The following CALCA variants were observed in gnomAD, a reference collection of about 807,000 sequenced individuals.
CALCA encodes the protein calcitonin related polypeptide alpha, also known as calcitonin.
CALCA carries 4 observed loss-of-function variants against 6.9 expected under a neutral mutation model. That is an observed-to-expected ratio of 0.58 (90% CI 0.29 to 1.33). CALCA has a LOEUF of 1.33. Ranked by LOEUF, CALCA falls within the 40% of genes most tolerant of loss-of-function variation. CALCA has a pLI of 0.09. For synonymous variants in CALCA, 78 were observed against 70.0 expected (o/e 1.11, Z -0.57); for missense variants, 174 against 178.3 (o/e 0.98, Z 0.14).
In CALCA at chr11:14,968,952, G is replaced by C. The variant is rs1177013301; in HGVS notation, c.273C>G (p.Cys91Trp). The change falls in exon 4 of 4, where the codon TGC becomes TGG. Residue 91 changes from cysteine (C) to tryptophan (W), a missense_variant. By Grantham distance (215) the Cys-to-Trp change is radical. Coordinates refer to ENST00000331587, the MANE Select transcript of CALCA (RefSeq NM_001741.3). ...RSKRCGNLST[C>W]MLGTYTQDFN... is the part of the protein sequence containing the mutation. ...AGTCCTGCGTGTATGTGCCCAGCAT[G>C]CAAGTACTCAGATTACCGCACCGCT... 6.2e-7 allele frequency: 1 copy of C among 1,613,828 alleles called. No individual in the cohort carries two copies. Among genetic ancestry groups the C allele is most frequent in the Non-Finnish European group, 8.5e-7 (1 of 1,180,042 alleles).
chr11:14,972,075 T>G (rs1483779035), intron 1 of CALCA, 170 bp downstream of exon 1: 1 of 152,800 alleles, frequency 6.5e-6, no homozygotes, highest in East Asian at 1.9e-4. Context: ...GGATTGAGAC[T>G]GTCCGATCCA....
downstream of CALCA, among the ~76,000 whole-genome samples, chr11:14,967,277 A>G (rs1590262814): frequency 2.0e-5 from 3 of 152,236 alleles, no homozygotes. Flanking sequence ...TCATGGTCAT[A>G]TAGCTGGTAA....
In CALCA at chr11:14,971,127, G is replaced by T; in HGVS notation, c.66C>A (p.Ser22Arg). 1 of 1,614,076 alleles carries T rather than the reference G, an allele frequency of 6.2e-7. No homozygotes were observed. The highest frequency in any genetic ancestry group is 8.5e-7 in the Non-Finnish European group (1 of 1,179,952). ...CTTACCTGAATGGTGCTGCATGGAG[G>T]CTGCCTGCCTGCAACAGGACCAAGA... ...LSILVLLQAG[S>R]LHAAPFRSAL... Residue 22 changes from serine to arginine, a missense_variant, in exon 2 of 4, where the codon AGC becomes AGA. Ser to Arg is a moderately radical substitution (Grantham distance 110). Transcript: ENST00000331587.
intron 3 of CALCA, among the ~76,000 whole-genome samples, 185 bp downstream of exon 3, chr11:14,969,746 CGGTA>C (rs1565208882): frequency 6.6e-6 from 1 of 152,186 alleles, no homozygotes; most frequent in Non-Finnish European, 1.5e-5. Flanking sequence ...TGTCTAACCA[CGGTA>C]CCTCCAGCTG....
At chr11:14,967,750 G>T (rs76125894), downstream of CALCA, 371 of 1,614,174 alleles carry the variant, frequency 2.3e-4, no homozygotes, top group African/African-American at 4.5e-3. Context: ...CACATTGGTG[G>T]GCACAAAGTT....
chr11:14,971,286 G>T, intron 1 of CALCA, 85 bp from the exon 2 acceptor site: 2 of 894,166 alleles, frequency 2.2e-6, no homozygotes, highest in Non-Finnish European at 3.8e-6. Flanking sequence ...CTGGTTTTCT[G>T]TCTTGCTTCT....
At chr11:14,971,568 G>A (rs1555026533) in intron 1 of CALCA, among the ~76,000 whole-genome samples, 1 of 152,174 alleles carries the variant, frequency 6.6e-6, no homozygotes, top group Non-Finnish European at 1.5e-5. Flanking sequence ...ATCCCATAAG[G>A]AAACCCAGAG....
Position 14,968,743 on chromosome 11 carries a change from T to G in CALCA, c.*56A>C. On this transcript the variant is annotated 3_prime_UTR_variant, in exon 4 of 4. Coordinates refer to ENST00000331587, the MANE Select transcript of CALCA (RefSeq NM_001741.3). ...GCCACCAGAGAGGAACCAAACCACATGCATCAAGTTATAGGAAGGATGCAA... is the reference window on the plus strand; with the variant it reads ...GCCACCAGAGAGGAACCAAACCACAGGCATCAAGTTATAGGAAGGATGCAA... 1.2e-6 allele frequency: 2 copies of G among 1,613,464 alleles called. No individual in the cohort carries two copies. Among genetic ancestry groups the G allele is most frequent in the Non-Finnish European group, 1.7e-6 (2 of 1,179,788 alleles).
downstream of CALCA, chr11:14,967,759 T>C: frequency 1.2e-6 from 2 of 1,614,198 alleles, no homozygotes; most frequent in Non-Finnish European, 1.7e-6. Flanking sequence ...GGGCACAAAG[T>C]TGTTCTTCAC....
downstream of CALCA, chr11:14,968,252 C>A (rs1388446959): frequency 2.5e-5 from 8 of 323,236 alleles, no homozygotes; most frequent in Non-Finnish European, 4.0e-5. Flanking sequence ...GCACCAAATA[C>A]CCTTTCTTAG....
intron 3 of CALCA, 62 bp from the exon 4 acceptor site, chr11:14,969,059 C>T: frequency 6.6e-7 from 1 of 1,524,838 alleles, no homozygotes; most frequent in Non-Finnish European, 9.1e-7. Context: ...TGGGCAGTCA[C>T]TTAGAAGGTT....
chr11:14,970,020 GC>G lies in CALCA; in HGVS notation c.141del (p.Arg48AlafsTer14), dbSNP rs782728083. 4.3e-6 allele frequency: 7 copies of G among 1,614,236 alleles called. No homozygotes were observed. In the South Asian group the frequency reaches 6.6e-5, roughly 15 times the overall value. Reference protein sequence around the residue: ...ADPATLSEDEARLLLAALVQD... With the variant: ...ADPATLSEDEXRLLLAALVQD... ...TGCACCAGTGCAGCCAGCAGGAGGC[GC>G]GCTTCGTCCTCACTGAGCGTGGCCG... is the stretch of plus-strand genomic sequence containing the variant. On this transcript the variant is annotated frameshift_variant, in exon 3 of 4. Coordinates refer to ENST00000331587, the MANE Select transcript of CALCA (RefSeq NM_001741.3). LOFTEE classifies it high-confidence loss of function.
chr11:14,968,845 T>G lies in CALCA; in HGVS notation c.380A>C (p.Glu127Ala). ...GCTAACATGAGGGCGATGGTCTCTC[T>G]CCAAGTCGCTGGACATATCCCTTTT... ...GKKRDMSSDL[E>A]RDHRPHVSMP... The change falls in exon 4 of 4, where the codon GAG becomes GCG. Residue 127 changes from glutamate to alanine, a missense_variant. By Grantham distance (107) the Glu-to-Ala change is moderately radical. Transcript: ENST00000331587. 2 of 1,614,164 alleles carry G rather than the reference T, an allele frequency of 1.2e-6. No homozygotes were observed. Among genetic ancestry groups the G allele is most frequent in the South Asian group, 2.2e-5 (2 of 91,070 alleles).
At position 14,969,945 on chromosome 11, in the gene CALCA, C is replaced by T. The variant is rs1555026084; in HGVS notation, c.217G>A (p.Glu73Lys). 6.2e-7 allele frequency: 1 copy of T among 1,613,052 alleles called. No individual in the cohort carries two copies. The highest frequency in any genetic ancestry group is 1.3e-5 in the African/African-American group (1 of 75,038). The change falls in exon 3 of 4, where the codon GAG becomes AAG. Residue 73 changes from glutamate to lysine, a missense_variant. Glu to Lys is a moderately conservative substitution (Grantham distance 56). Transcript: ENST00000331587. The part of the protein sequence containing the change: ...ASELEQEQER[E>K]GSSLDSPRSK... ...CTTGGGGAGCCTCACCTGGAGCCCT[C>T]TCTCTCTTGCTCCTGCTCCAGCTCA...
chr11:14,972,244 C>T lies in CALCA; in HGVS notation c.-10+1G>A, dbSNP rs1849624913. On this transcript the variant is annotated splice_donor_variant, in intron 1 of 3. Transcript: ENST00000331587. LOFTEE classifies it low-confidence loss of function (5UTR_SPLICE). ...ACCTGAGCCAGGATCTCGGGGCTCA[C>T]CTGGCGGGAGGTGGCTTGGATCAGA... 1.9e-5 allele frequency: 3 copies of T among 154,104 alleles called. No homozygotes were observed. Among genetic ancestry groups the T allele is most frequent in the South Asian group, 1.8e-4 (1 of 5,704 alleles). The allele number at this position is 154,104 out of a possible 1,614,324, so 9.5% of individuals were successfully genotyped here. A position where few individuals can be genotyped will look rare whatever the true frequency, so the allele number is the denominator to read the frequency against.
downstream of CALCA, chr11:14,968,304 A>C (rs35780811): frequency 5.6e-4 from 213 of 382,310 alleles, no homozygotes; most frequent in African/African-American, 4.4e-3. Context: ...AGAGGAGCGG[A>C]GTTTGCAGCA....
rs1028398619 is a variant in CALCA at position 14,968,619 on chromosome 11, G to T, written c.*180C>A. Reference sequence around the variant, plus strand: ...CCCTCATTTTCTGGTATTTTCCCAGGTGATTCTCTTCCAACCTGTGAGTCC... The same window carrying T: ...CCCTCATTTTCTGGTATTTTCCCAGTTGATTCTCTTCCAACCTGTGAGTCC... On this transcript the variant is annotated 3_prime_UTR_variant, in exon 4 of 4. Coordinates refer to ENST00000331587, the MANE Select transcript of CALCA (RefSeq NM_001741.3). 15 of 1,525,542 alleles carry T rather than the reference G, an allele frequency of 9.8e-6. No homozygotes were observed. The East Asian group carries it at 1.4e-4, about 15-fold the overall frequency. The allele number at this position is 1,525,542 out of a possible 1,614,324, so 94.5% of individuals were successfully genotyped here. A position where few individuals can be genotyped will look rare whatever the true frequency, so the allele number is the denominator to read the frequency against.
Position 14,968,523 on chromosome 11 carries a change from C to T in CALCA, c.*276G>A. Reference sequence around the variant, plus strand: ...ATCTTTGGGGAAAAATAATTTTATTCCTCAAATGATCAGCACATTCAGAAG... The same window carrying T: ...ATCTTTGGGGAAAAATAATTTTATTTCTCAAATGATCAGCACATTCAGAAG... On this transcript the variant is annotated 3_prime_UTR_variant, in exon 4 of 4. Transcript: ENST00000331587. The T allele has an allele frequency of 1.5e-6, 2 of 1,330,292 alleles. No homozygotes were observed. The highest frequency in any genetic ancestry group is 1.9e-6 in the Non-Finnish European group (2 of 1,035,686). 82.4% of individuals were successfully genotyped at this position (1,330,292 alleles called of 1,614,324 possible). A position where few individuals can be genotyped will look rare whatever the true frequency, so the allele number is the denominator to read the frequency against.
rs1555026660 is a variant in CALCA at position 14,972,341 on chromosome 11, G to C, written c.-106C>G. Reference sequence around the variant, plus strand: ...GCGGCGGCGACACTTGGGCTGGGCAGTGTCTCTGATGCCTCCCAGCGCCAG... The same window carrying C: ...GCGGCGGCGACACTTGGGCTGGGCACTGTCTCTGATGCCTCCCAGCGCCAG... On this transcript the variant is annotated 5_prime_UTR_variant, in exon 1 of 4. Coordinates refer to ENST00000331587, the MANE Select transcript of CALCA (RefSeq NM_001741.3). 6.5e-6 allele frequency: 1 copy of C among 153,444 alleles called. No homozygotes were observed. Among genetic ancestry groups the C allele is most frequent in the African/African-American group, 2.4e-5 (1 of 41,460 alleles). The allele number at this position is 153,444 out of a possible 1,614,324, so 9.5% of individuals were successfully genotyped here.
Sources: gnomAD v4.1 joint callset for allele counts (sites outside exome capture counted in the v4.1 genomes callset) on GRCh38, gnomAD v4.1.1 for gene constraint, MANE v1.5 for transcripts, NCBI Gene and HGNC (gene_info 2026-07-23, HGNC 2026-07-21) for gene names.